The following TPP2 variants were observed in gnomAD, a reference collection of about 807,000 sequenced individuals.
TPP2 encodes the protein tripeptidyl-peptidase 2.
Under a neutral mutation model 155.9 loss-of-function variants are expected in TPP2, and 34 were observed. The observed-to-expected ratio is 0.22, with a 90% confidence interval of 0.17 to 0.29. TPP2 has a LOEUF of 0.29. Ranked by LOEUF, TPP2 falls within the 10% of genes least tolerant of loss-of-function variation. The pLI, the probability that TPP2 is intolerant of heterozygous loss-of-function variation, is 1.00. For missense variants in TPP2, 1,028 were observed against 1,522.3 expected (o/e 0.68, Z 5.40); for synonymous variants, 510 against 529.4 (o/e 0.96, Z 0.50).
intron 17 of TPP2, among the ~76,000 whole-genome samples, 153 bp downstream of exon 17, chr13:102,643,529 GAA>G (rs1882905852): frequency 2.6e-5 from 4 of 152,134 alleles, no homozygotes; most frequent in African/African-American, 9.7e-5. Flanking sequence ...TAGAAAAATA[GAA>G]AATCTAATCA....
chr13:102,617,099 A>G (rs529414825), intron 4 of TPP2, among the ~76,000 whole-genome samples: 16 of 151,080 alleles, frequency 1.1e-4, no homozygotes, highest in African/African-American at 3.9e-4. Context: ...CATTTTTAGT[A>G]GAGACAGGGT....
chr13:102,637,585 C>G (rs550939715), intron 14 of TPP2, among the ~76,000 whole-genome samples: 1 of 147,040 alleles, frequency 6.8e-6, no homozygotes, highest in Non-Finnish European at 1.5e-5. Context: ...GAGTCTTGCT[C>G]TGTTGCCCAG....
intron 14 of TPP2, among the ~76,000 whole-genome samples, chr13:102,637,587 G>A (rs1488859347): frequency 6.7e-6 from 1 of 148,994 alleles, no homozygotes; most frequent in Non-Finnish European, 1.5e-5. Context: ...GTCTTGCTCT[G>A]TTGCCCAGGC....
chr13:102,606,118 T>C (rs901816490), intron 2 of TPP2, among the ~76,000 whole-genome samples: 1 of 152,210 alleles, frequency 6.6e-6, no homozygotes, highest in Non-Finnish European at 1.5e-5. Context: ...GCTCATGAGC[T>C]AAGGAGCATG....
intron 9 of TPP2, 78 bp from the exon 10 acceptor site, chr13:102,630,017 GT>G (rs1881911835): frequency 8.3e-7 from 1 of 1,211,730 alleles, no homozygotes; most frequent in African/African-American, 1.5e-5. Flanking sequence ...AGATTAGGCA[GT>G]TTACTCAAGT....
chr13:102,648,770 G>GA, intron 21 of TPP2, 137 bp from the exon 22 acceptor site: 7 of 1,176,982 alleles, frequency 5.9e-6, no homozygotes, highest in Non-Finnish European at 8.1e-6. Context: ...TGAACGTCTG[G>GA]ATAGTTAGTT....
chr13:102,622,799 G>A (rs1881256324), intron 5 of TPP2, 78 bp from the exon 6 acceptor site: 1 of 1,455,580 alleles, frequency 6.9e-7, no homozygotes, highest in Admixed American at 2.2e-5. Context: ...TAGTAAAATA[G>A]TGGAGAGACT....
At chr13:102,616,326 A>G (rs1315477533) in intron 3 of TPP2, 70 bp from the exon 4 acceptor site, 14 of 1,268,658 alleles carry the variant, frequency 1.1e-5, no homozygotes, top group African/African-American at 1.5e-5. Flanking sequence ...AAGTCCACAT[A>G]TAAATGCCTG....
intron 27 of TPP2, among the ~76,000 whole-genome samples, chr13:102,665,541 A>G (rs1259900064): frequency 6.6e-6 from 1 of 152,036 alleles, no homozygotes; most frequent in African/African-American, 2.4e-5. Context: ...TGCAAGTGTG[A>G]TTTCCGTATG....
intron 24 of TPP2, among the ~76,000 whole-genome samples, chr13:102,653,587 T>G (rs1883656371): frequency 6.6e-6 from 1 of 152,032 alleles, no homozygotes; most frequent in Non-Finnish European, 1.5e-5. Flanking sequence ...GAGAGAGGTC[T>G]TACTACGTAT....
intron 1 of TPP2, among the ~76,000 whole-genome samples, chr13:102,604,316 G>A (rs946887807): frequency 1.3e-5 from 2 of 152,080 alleles, no homozygotes; most frequent in Non-Finnish European, 2.9e-5. Context: ...CCAAACTTAT[G>A]TTGAAAACCC....
rs1459769959 is a variant in TPP2 at position 102,678,305 on chromosome 13, T to C, written c.3778T>C (p.Cys1260Arg). 14 of 1,613,390 alleles carry C rather than the reference T, an allele frequency of 8.7e-6. No homozygotes were observed. Among genetic ancestry groups the C allele is most frequent in the Non-Finnish European group, 2.5e-6 (3 of 1,179,694 alleles). Residue 1260 changes from cysteine (C) to arginine (R), a missense_variant, in exon 30 of 30, where the codon TGC (cysteine) becomes CGC (arginine). Transcript: ENST00000376052. ...CCCCATCATGTATCCTCCCGATTAT[T>C]GCGTATTCTAAAATAGGAAACAAGA... is the stretch of plus-strand genomic sequence containing the variant. ...WLPIMYPPDYCVF is the reference protein window; with the variant it reads ...WLPIMYPPDYRVF
chr13:102,627,968 G>A lies in TPP2; in HGVS notation c.1016+44G>A, dbSNP rs1423405976. On this transcript the variant is annotated intron_variant, in intron 8 of 29. Transcript: ENST00000376052. The stretch of plus-strand genomic sequence containing the variant: ...TTGTTTAGCCATAGAACCTTAGCCA[G>A]TGAAGAGTATGAGATGTTTTTCATA... The A allele has an allele frequency of 2.0e-6, 3 of 1,488,134 alleles. No homozygotes were observed. The South Asian group carries it at 3.5e-5, about 17-fold the overall frequency. The allele number at this position is 1,488,134 out of a possible 1,614,324, so 92.2% of individuals were successfully genotyped here. A position where few individuals can be genotyped will look rare whatever the true frequency, so the allele number is the denominator to read the frequency against.
At chr13:102,606,254 G>A (rs917185492) in intron 2 of TPP2, among the ~76,000 whole-genome samples, 1 of 152,184 alleles carries the variant, frequency 6.6e-6, no homozygotes, top group African/African-American at 2.4e-5. Context: ...CTTAGGTCTT[G>A]TCTTTTAAGT....
At chr13:102,607,119 C>T (rs1879895831) in intron 2 of TPP2, among the ~76,000 whole-genome samples, 1 of 152,186 alleles carries the variant, frequency 6.6e-6, no homozygotes, top group Admixed American at 6.5e-5. Flanking sequence ...TATGCTCAAC[C>T]ATGCTGGCAC....
chr13:102,637,993 A>C (rs1482611167), intron 14 of TPP2, among the ~76,000 whole-genome samples: 3 of 152,206 alleles, frequency 2.0e-5, no homozygotes, highest in East Asian at 1.9e-4. Context: ...AGTTGGGAGT[A>C]ATTAAAATGC....
intron 4 of TPP2, among the ~76,000 whole-genome samples, chr13:102,617,216 T>C (rs966863011): frequency 3.9e-5 from 6 of 152,094 alleles, no homozygotes; most frequent in African/African-American, 1.4e-4. Context: ...GCCCGGCCTA[T>C]GTATTCTCTA....
Position 102,638,290 on chromosome 13 carries a change from C to T in TPP2, c.1888C>T (p.Pro630Ser). The change falls in exon 15 of 30, where the codon CCG (proline) becomes TCG (serine). Residue 630 changes from proline to serine, a missense_variant. Around this residue, in one of 7 missense-constraint regions of TPP2, gnomAD observed 325 missense variants for 463.7 expected, o/e 0.70. Coordinates refer to ENST00000376052, the MANE Select transcript of TPP2 (RefSeq NM_001330588.2). Reference protein sequence around the residue: ...SPNAGPLFRVPITAVIAAKVN... With the variant: ...SPNAGPLFRVSITAVIAAKVN... The stretch of plus-strand genomic sequence containing the variant: ...TAACGCAGGTCCGCTCTTCAGAGTT[C>T]CGATCACTGCAGTTATAGCAGCAAA... 6.2e-7 allele frequency: 1 copy of T among 1,612,964 alleles called. No homozygotes were observed. Among genetic ancestry groups the T allele is most frequent in the Non-Finnish European group, 8.5e-7 (1 of 1,179,952 alleles).
At chr13:102,666,167 C>T (rs1208066444) in intron 27 of TPP2, among the ~76,000 whole-genome samples, 1 of 152,136 alleles carries the variant, frequency 6.6e-6, no homozygotes, top group Admixed American at 6.6e-5. Context: ...GCCTTTGTAT[C>T]CCCCTTTTAA....
Sources: gnomAD v4.1 joint callset for allele counts (sites outside exome capture counted in the v4.1 genomes callset) on GRCh38, gnomAD v4.1.1 for gene constraint, gnomAD v4.1.1 regional missense constraint, MANE v1.5 for transcripts, NCBI Gene and HGNC (gene_info 2026-07-23, HGNC 2026-07-21) for gene names.